The following ACACA variants were observed in gnomAD, a reference collection of about 807,000 sequenced individuals.
ACACA encodes the protein acetyl-CoA carboxylase 1.
ACACA carries 103 observed loss-of-function variants against 296.1 expected under a neutral mutation model. That is an observed-to-expected ratio of 0.35 (90% confidence interval 0.30 to 0.41). The LOEUF (loss-of-function observed/expected upper bound fraction) is 0.41. Among genes scored for constraint, ACACA ranks in the 10% least tolerant of loss-of-function variants. The probability of loss-of-function intolerance (pLI) is 1.00; values close to 1 mark genes in which losing one functional copy is unlikely to be tolerated. For synonymous variants in ACACA, 953 were observed against 1,038.6 expected, an observed-to-expected ratio of 0.92 and a Z score of 1.58; for missense variants, 1,554 against 2,989.7, an observed-to-expected ratio of 0.52 and a Z score of 11.20.
intron 45 of ACACA, chr17:37,141,012 G>C (rs1226473484): frequency 7.4e-6 from 3 of 406,868 alleles, no homozygotes; most frequent in African/African-American, 2.1e-5. Context: ...GCTTGGCCAG[G>C]ATGATGGCCC....
chr17:37,241,524 G>A (rs576943616), intron 23 of ACACA, among the ~76,000 whole-genome samples: 7 of 152,060 alleles, frequency 4.6e-5, no homozygotes. Flanking sequence ...GGGCAACATG[G>A]CAAAACCCCA....
chr17:37,148,878 T>C (rs2075924633), intron 45 of ACACA, among the ~76,000 whole-genome samples: 1 of 152,218 alleles, frequency 6.6e-6, no homozygotes, highest in Non-Finnish European at 1.5e-5. Context: ...CTTTTACTTA[T>C]GTTTTCTCAT....
intron 17 of ACACA, 34 bp from the exon 18 acceptor site, chr17:37,248,190 C>T (rs1442646824): frequency 1.2e-6 from 2 of 1,613,234 alleles, no homozygotes; most frequent in African/African-American, 2.7e-5. Context: ...CAGTGTGTCC[C>T]TTCCAGGTAC....
intron 3 of ACACA, among the ~76,000 whole-genome samples, chr17:37,297,914 A>G (rs560440236): frequency 8.5e-5 from 13 of 152,124 alleles, no homozygotes; most frequent in African/African-American, 2.4e-4. Flanking sequence ...TTTTGATACT[A>G]TATTATATAT....
intron 3 of ACACA, among the ~76,000 whole-genome samples, chr17:37,297,844 G>A (rs931954590): frequency 1.3e-5 from 2 of 151,744 alleles, no homozygotes; most frequent in Non-Finnish European, 2.9e-5. Flanking sequence ...AGCCACCACC[G>A]TGCCCAGCCT....
In ACACA at chr17:37,200,165, T is replaced by G. The variant is rs1305702849; in HGVS notation, c.4132A>C (p.Asn1378His). 1.2e-6 allele frequency: 2 copies of G among 1,608,736 alleles called. No homozygotes were observed. Among genetic ancestry groups the G allele is most frequent in the African/African-American group, 2.7e-5 (2 of 74,770 alleles). Residue 1378 changes from asparagine (N) to histidine (H), a missense_variant, in exon 35 of 56, where the codon AAC becomes CAC. By Grantham distance (68) the Asn-to-His change is moderately conservative. Coordinates refer to ENST00000616317, the MANE Select transcript of ACACA (RefSeq NM_198834.3). ...TGAAATCTCCGATCCACCTCATAGT[T>G]GACCTGCTTTCTGAAATCCTTTCAA... ...VAQKDFRKQV[N>H]YEVDRRFHRE...
intron 2 of ACACA, among the ~76,000 whole-genome samples, chr17:37,333,333 C>T (rs948969962): frequency 2.0e-5 from 3 of 150,366 alleles, no homozygotes; most frequent in Admixed American, 1.3e-4. Context: ...CTTACACTGC[C>T]GGTGTCATCA....
chr17:37,098,270 C>T (rs1026292235), intron 52 of ACACA, among the ~76,000 whole-genome samples: 55 of 152,186 alleles, frequency 3.6e-4, no homozygotes, highest in Non-Finnish European at 5.9e-4. Flanking sequence ...TGAGAAGGTG[C>T]AAGTAGCGAC....
chr17:37,278,039 G>T, intron 5 of ACACA, 34 bp from the exon 6 acceptor site: 1 of 1,523,614 alleles, frequency 6.6e-7, no homozygotes, highest in Non-Finnish European at 9.1e-7. Flanking sequence ...GAGAACACAT[G>T]ATTTTTTTTT....
chr17:37,330,186 C>A lies in ACACA; in HGVS notation c.325G>T (p.Ala109Ser). ...ACTCTCTCTTACCTTATGTGCAAGG[C>A]CAAGCCATCCTGTAGGCTAGAGATC... ...LGISSLQDGL[A>S]LHIRSSMSGL... The change falls in exon 3 of 56, where the codon GCC becomes TCC. Residue 109 changes from alanine to serine, a missense_variant. By Grantham distance (99) the Ala-to-Ser change is moderately conservative. Around this residue, in one of 16 missense-constraint regions of ACACA, gnomAD observed 140 missense variants for 147.7 expected, o/e 0.95. Transcript: ENST00000616317. 6.2e-7 allele frequency: 1 copy of A among 1,614,154 alleles called. No individual in the cohort carries two copies. The highest frequency in any genetic ancestry group is 2.2e-5 in the East Asian group (1 of 44,880).
intron 52 of ACACA, among the ~76,000 whole-genome samples, chr17:37,109,184 T>C (rs2073852101): frequency 6.6e-6 from 1 of 152,214 alleles, no homozygotes; most frequent in Non-Finnish European, 1.5e-5. Flanking sequence ...CTGACCTGCT[T>C]TGTCGCAGAG....
In ACACA at chr17:37,181,900, C is replaced by CAAAA. The variant is rs61045031; in HGVS notation, c.4777-548_4777-545dup. The stretch of plus-strand genomic sequence containing the variant: ...GGGCAACAGAGCAAGACTCTGTATC[C>CAAAA]AAAAAAAAAAAAAAAAAAAAAAAAA... On this transcript the variant is annotated intron_variant, in intron 39 of 55. Coordinates refer to ENST00000616317, the MANE Select transcript of ACACA (RefSeq NM_198834.3). Among the ~76,000 whole-genome samples, 65 of 22,232 alleles carry CAAAA rather than the reference C, an allele frequency of 2.9e-3. 5 individuals carry two copies. The highest frequency in any genetic ancestry group is 8.1e-3 in the African/African-American group (59 of 7,328). 14.6% of individuals were successfully genotyped at this position (22,232 alleles called of 152,430 possible).
chr17:37,187,338 T>C (rs906332088), intron 39 of ACACA, among the ~76,000 whole-genome samples: 3 of 152,196 alleles, frequency 2.0e-5, no homozygotes, highest in African/African-American at 7.2e-5. Context: ...AGGATATAGA[T>C]AAAAACAAGA....
intron 3 of ACACA, among the ~76,000 whole-genome samples, chr17:37,323,819 C>T (rs547302919): frequency 6.6e-6 from 1 of 152,186 alleles, no homozygotes; most frequent in South Asian, 2.1e-4. Context: ...TGATAGCATG[C>T]GGTGAATTTT....
At chr17:37,126,831 C>A (rs933703289) in intron 47 of ACACA, among the ~76,000 whole-genome samples, 1 of 152,180 alleles carries the variant, frequency 6.6e-6, no homozygotes, top group African/African-American at 2.4e-5. Flanking sequence ...ATCCGTGAGC[C>A]CAAAGCCGAT....
chr17:37,326,467 GT>G (rs2047627306), intron 3 of ACACA, among the ~76,000 whole-genome samples: 1 of 151,860 alleles, frequency 6.6e-6, no homozygotes, highest in South Asian at 2.1e-4. Context: ...GGAGGCAGAG[GT>G]TGCGGTAAGT....
chr17:37,366,226 A>G (rs1321703137), intron 1 of ACACA, among the ~76,000 whole-genome samples: 1 of 151,944 alleles, frequency 6.6e-6, no homozygotes, highest in Non-Finnish European at 1.5e-5. Context: ...CATCATTCCT[A>G]TATCAGGTTC....
intron 1 of ACACA, chr17:37,391,535 A>C: frequency 1.1e-6 from 1 of 881,714 alleles, no homozygotes; most frequent in Non-Finnish European, 1.9e-6. Context: ...GGCAAAATGA[A>C]GTGCACTTGG....
intron 51 of ACACA, among the ~76,000 whole-genome samples, chr17:37,112,176 C>T (rs147506569): frequency 4.9e-4 from 75 of 152,070 alleles, no homozygotes; most frequent in Admixed American, 2.5e-3. Flanking sequence ...TTCTGCCCAG[C>T]GCTATGGAAA....
Sources: allele counts gnomAD v4.1 joint callset (sites outside exome capture counted in the v4.1 genomes callset), GRCh38; gene constraint gnomAD v4.1.1; regional missense constraint gnomAD v4.1.1; transcripts MANE v1.5; gene names NCBI Gene and HGNC (gene_info 2026-07-23, HGNC 2026-07-21).